MTUS1: variants seen among roughly 807,000 people sequenced by gnomAD.
MTUS1 encodes microtubule associated scaffold protein 1.
In MTUS1, 109 loss-of-function variants were observed where a neutral mutation model predicts 120.8. That is an observed-to-expected ratio of 0.90 (90% CI 0.77 to 1.06). The LOEUF is 1.06. Among genes scored for constraint, MTUS1 ranks in the 50% least tolerant of loss-of-function variants. MTUS1 has a pLI of 0.00. For missense variants in MTUS1, 2,210 were observed against 1,486.3 expected, an observed-to-expected ratio of 1.49 and a Z score of -8.01; for synonymous variants, 737 against 550.5, an observed-to-expected ratio of 1.34 and a Z score of -4.74.
chr8:17,654,440 C>T lies in MTUS1; in HGVS notation c.3214+121G>A, dbSNP rs559703697. On this transcript the variant is annotated intron_variant, in intron 10 of 14. Transcript: ENST00000693296. ...CCACGCAAAAAGGAACCAAGAACAC[C>T]CCAGCCTGAAGGCCACAGGGCATTC... 8.3e-5 allele frequency: 58 copies of T among 700,854 alleles called. No homozygotes were observed. The African/African-American group carries it at 1.0e-3, about 12-fold the overall frequency. The allele number at this position is 700,854 out of a possible 1,614,324, so 43.4% of individuals were successfully genotyped here.
intron 1 of MTUS1, 52 bp from the exon 2 acceptor site, chr8:17,756,013 C>T (rs765587844): frequency 2.5e-6 from 3 of 1,209,310 alleles, no homozygotes; most frequent in South Asian, 1.8e-5. Flanking sequence ...AATTAACAGG[C>T]CACCCCTTGG....
chr8:17,742,650 A>C (rs1023409612), intron 3 of MTUS1, among the ~76,000 whole-genome samples: 1 of 152,100 alleles, frequency 6.6e-6, no homozygotes, highest in African/African-American at 2.4e-5. Context: ...CCTTGACACT[A>C]GGCCTGAATC....
chr8:17,703,520 T>C (rs73200172), intron 6 of MTUS1, among the ~76,000 whole-genome samples: 6,432 of 151,528 alleles, frequency 0.042, 157 homozygotes, highest in Middle Eastern at 0.065. Context: ...GTAGTCCCAG[T>C]TAGTAGTCCC....
chr8:17,753,673 C>A, intron 2 of MTUS1, 44 bp downstream of exon 2: 1 of 1,342,472 alleles, frequency 7.4e-7, no homozygotes, highest in Non-Finnish European at 1.0e-6. Flanking sequence ...CAGTTTTCTC[C>A]ACAGTTCTCT....
chr8:17,762,458 A>G (rs552941211), intron 1 of MTUS1, among the ~76,000 whole-genome samples: 1 of 152,294 alleles, frequency 6.6e-6, no homozygotes, highest in Admixed American at 6.5e-5. Flanking sequence ...TTACATTCTT[A>G]AATTTGCTCT....
intron 1 of MTUS1, among the ~76,000 whole-genome samples, chr8:17,761,920 C>A (rs1043106533): frequency 2.6e-5 from 4 of 152,182 alleles, no homozygotes; most frequent in South Asian, 2.1e-4. Flanking sequence ...TGATCTTCAA[C>A]CTCCCTTGAA....
chr8:17,761,462 C>T (rs1163433665), intron 1 of MTUS1, among the ~76,000 whole-genome samples: 1 of 152,174 alleles, frequency 6.6e-6, no homozygotes, highest in Non-Finnish European at 1.5e-5. Flanking sequence ...GAGAAATCAA[C>T]TGCATGACGT....
At chr8:17,672,874 G>C (rs190893905) in intron 8 of MTUS1, among the ~76,000 whole-genome samples, 27 of 152,302 alleles carry the variant, frequency 1.8e-4, no homozygotes, top group Non-Finnish European at 3.7e-4. Flanking sequence ...TGACTCACTG[G>C]AGGTGCTGAA....
At chr8:17,675,317 T>C in intron 7 of MTUS1, 65 bp from the exon 8 acceptor site, 3 of 1,424,820 alleles carry the variant, frequency 2.1e-6, no homozygotes, top group South Asian at 1.2e-5. Flanking sequence ...AGGTACACAT[T>C]TGTTATCACT....
intron 1 of MTUS1, among the ~76,000 whole-genome samples, chr8:17,762,913 G>C (rs945388473): frequency 2.0e-5 from 3 of 151,924 alleles, no homozygotes; most frequent in Non-Finnish European, 2.9e-5. Context: ...ATGCGGCAAA[G>C]AGCTTTGAGA....
intron 3 of MTUS1, among the ~76,000 whole-genome samples, chr8:17,736,438 G>C (rs980730919): frequency 6.6e-6 from 1 of 152,080 alleles, no homozygotes; most frequent in Non-Finnish European, 1.5e-5. Flanking sequence ...CCTGTGCCTG[G>C]AAAGTCCTCC....
At chr8:17,701,642 G>A (rs1046623255) in intron 6 of MTUS1, among the ~76,000 whole-genome samples, 3 of 152,056 alleles carry the variant, frequency 2.0e-5, no homozygotes, top group African/African-American at 7.2e-5. Context: ...CCACCTCTCG[G>A]GTTCAAGTGA....
At chr8:17,680,891 T>C (rs1446291719) in intron 7 of MTUS1, among the ~76,000 whole-genome samples, 1 of 151,920 alleles carries the variant, frequency 6.6e-6, no homozygotes, top group East Asian at 1.9e-4. Context: ...CTTCGTTCAC[T>C]GGGGGGAATA....
intron 1 of MTUS1, among the ~76,000 whole-genome samples, chr8:17,763,924 C>T (rs538222350): frequency 6.6e-6 from 1 of 152,106 alleles, no homozygotes; most frequent in Admixed American, 6.5e-5. Flanking sequence ...CAAAGCAAGC[C>T]AAGTGTGGAA....
At position 17,721,083 on chromosome 8, in the gene MTUS1, G is replaced by C. The variant is rs139076291; in HGVS notation, c.2449+2589C>G. 1.5e-4 allele frequency among the ~76,000 whole-genome samples: 23 copies of C among 152,266 alleles called. No homozygotes were observed. In the Middle Eastern group the frequency reaches 0.014, roughly 90 times the overall value. On this transcript the variant is annotated intron_variant, in intron 4 of 14. Transcript: ENST00000693296. ...TGTGTTATATCAGAAGTTCTTAAAT[G>C]ATGCCACTAAAGATATCACATCACA...
rs540952577 is a variant in MTUS1, at chr8:17,747,687, T to C, written c.2092-3888A>G. 2.4e-3 allele frequency among the ~76,000 whole-genome samples: 368 copies of C among 152,320 alleles called. 1 individual carries two copies. Among genetic ancestry groups the C allele is most frequent in the African/African-American group, 8.6e-3 (359 of 41,566 alleles). On this transcript the variant is annotated intron_variant, in intron 2 of 14. Coordinates refer to ENST00000693296, the MANE Select transcript of MTUS1 (RefSeq NM_001363059.2). The stretch of plus-strand genomic sequence containing the variant: ...TGCCTTGCCCCCCACATCCCATTCA[T>C]GTAAAGACCCCAGACTCACTTGGTA...
At chr8:17,747,086 C>T (rs533810222) in intron 2 of MTUS1, among the ~76,000 whole-genome samples, 4 of 152,260 alleles carry the variant, frequency 2.6e-5, no homozygotes, top group Admixed American at 2.0e-4. Flanking sequence ...CTCTCAAACT[C>T]GAATAGGGTT....
At chr8:17,744,461 C>A (rs899017463) in intron 2 of MTUS1, among the ~76,000 whole-genome samples, 1 of 152,016 alleles carries the variant, frequency 6.6e-6, no homozygotes, top group African/African-American at 2.4e-5. Context: ...TCCTCTATCG[C>A]CCAGGCTGGA....
intron 1 of MTUS1, among the ~76,000 whole-genome samples, chr8:17,788,179 C>T (rs957734790): frequency 3.3e-5 from 5 of 152,060 alleles, no homozygotes; most frequent in Admixed American, 6.5e-5. Flanking sequence ...TTGGTGTGAT[C>T]GTTACACCAA....
Sources: gnomAD v4.1 joint callset for allele counts (sites outside exome capture counted in the v4.1 genomes callset) on GRCh38, gnomAD v4.1.1 for gene constraint, MANE v1.5 for transcripts, NCBI Gene and HGNC (gene_info 2026-07-23, HGNC 2026-07-21) for gene names.